Variants in PRKCH observed in about 807,000 individuals in gnomAD.
The protein encoded by PRKCH is protein kinase C eta, also known as protein kinase C eta type.
A neutral mutation model predicts 82.5 loss-of-function variants in PRKCH; 28 were observed. The observed-to-expected ratio is 0.34, with a 90% CI of 0.25 to 0.47. The LOEUF is 0.47. Ranked by LOEUF, PRKCH falls within the 20% of genes least tolerant of loss-of-function variation. PRKCH has a pLI of 1.00. For synonymous variants in PRKCH, 322 were observed against 327.4 expected, an observed-to-expected ratio of 0.98 and a Z score of 0.18; for missense variants, 705 against 881.8, an observed-to-expected ratio of 0.80 and a Z score of 2.54.
At chr14:61,413,639 A>C (rs986479480) in intron 2 of PRKCH, among the ~76,000 whole-genome samples, 2 of 146,584 alleles carry the variant, frequency 1.4e-5, no homozygotes, top group African/African-American at 2.5e-5. Context: ...TAACTTCTCC[A>C]TTTCCTTCTC....
At chr14:61,247,735 C>CAAA (rs202153655) in intron 1 of PRKCH, among the ~76,000 whole-genome samples, 583 of 52,440 alleles carry the variant, frequency 0.011, 42 homozygotes, top group South Asian at 0.022. Flanking sequence ...GACTCCATCT[C>CAAA]AAAAAAAAAA....
intron 1 of PRKCH, among the ~76,000 whole-genome samples, chr14:61,254,867 C>T (rs1232342349): frequency 3.3e-5 from 5 of 151,842 alleles, no homozygotes; most frequent in Non-Finnish European, 5.9e-5. Flanking sequence ...AGACCAGCAT[C>T]GCCAAACCAT....
At chr14:61,476,586 G>GTA (rs1299308784) in intron 9 of PRKCH, 2 of 152,224 alleles carry the variant, frequency 1.3e-5, no homozygotes, top group Admixed American at 6.5e-5. Flanking sequence ...CTGGTCTACT[G>GTA]TATATATGCC....
chr14:61,282,074 G>A (rs1425982857), intron 1 of PRKCH, among the ~76,000 whole-genome samples: 1 of 151,786 alleles, frequency 6.6e-6, no homozygotes, highest in Non-Finnish European at 1.5e-5. Context: ...AAAATGTGCT[G>A]GACTACATGT....
At chr14:61,367,356 G>A (rs1340504992) in intron 1 of PRKCH, among the ~76,000 whole-genome samples, 1 of 137,024 alleles carries the variant, frequency 7.3e-6, no homozygotes, top group East Asian at 2.1e-4. Context: ...GTGTGTGTGT[G>A]TGTATGTGTG....
chr14:61,244,279 G>GT (rs542877858), intron 1 of PRKCH, among the ~76,000 whole-genome samples: 41 of 152,210 alleles, frequency 2.7e-4, no homozygotes, highest in Non-Finnish European at 5.6e-4. Context: ...AATTGGGAGG[G>GT]TTTTTTTCAG....
intron 1 of PRKCH, among the ~76,000 whole-genome samples, chr14:61,363,753 G>T (rs934974901): frequency 4.0e-5 from 6 of 150,478 alleles, no homozygotes; most frequent in African/African-American, 1.5e-4. Context: ...GATGAAGAAG[G>T]CAACGGGCAG....
At chr14:61,541,074 C>G (rs2043178340) in intron 12 of PRKCH, among the ~76,000 whole-genome samples, 1 of 152,228 alleles carries the variant, frequency 6.6e-6, no homozygotes, top group African/African-American at 2.4e-5. Context: ...AATGCCAGGT[C>G]CAAGCCTGGT....
At chr14:61,331,546 A>AC (rs1201660317) in intron 1 of PRKCH, among the ~76,000 whole-genome samples, 3 of 152,124 alleles carry the variant, frequency 2.0e-5, no homozygotes, top group Non-Finnish European at 4.4e-5. Context: ...AACAACAACA[A>AC]AAAAACCCCT....
At chr14:61,200,569 C>G (rs1355523293) in intron 1 of PRKCH, among the ~76,000 whole-genome samples, 1 of 152,152 alleles carries the variant, frequency 6.6e-6, no homozygotes, top group Non-Finnish European at 1.5e-5. Flanking sequence ...TCTCTTTCTT[C>G]TCCTCAAAAT....
chr14:61,453,360 C>G lies in PRKCH; in HGVS notation c.960+7C>G, dbSNP rs771784880. Reference sequence around the variant, plus strand: ...AAATATTTCTCCAACCTCGGTGAGACTTTGCTTTTTTTCCATGTCTCGTAA... The same window carrying G: ...AAATATTTCTCCAACCTCGGTGAGAGTTTGCTTTTTTTCCATGTCTCGTAA... On this transcript the variant is annotated splice_region_variant and intron_variant, in intron 7 of 13. Coordinates refer to ENST00000332981, the MANE Select transcript of PRKCH (RefSeq NM_006255.5). 6.2e-7 allele frequency: 1 copy of G among 1,610,416 alleles called. No homozygotes were observed. The highest frequency in any genetic ancestry group is 2.2e-5 in the East Asian group (1 of 44,768).
At chr14:61,352,730 GAAAGAA>G (rs1038478813) in intron 1 of PRKCH, among the ~76,000 whole-genome samples, 7 of 150,692 alleles carry the variant, frequency 4.6e-5, no homozygotes, top group Non-Finnish European at 8.9e-5. Flanking sequence ...AAGAAAGAAA[GAAAGAA>G]AGAAAGATGT....
At chr14:61,428,076 T>TAGATAGATAGATAGATAGATAGATACAC (rs377250538) in intron 2 of PRKCH, among the ~76,000 whole-genome samples, 46 of 126,200 alleles carry the variant, frequency 3.6e-4, no homozygotes, top group Admixed American at 5.6e-4. Flanking sequence ...GATAGATAGA[T>TAGATAGATAGATAGATAGATAGATACAC]ACACACACAC....
chr14:61,313,622 C>CA (rs1024770679), intron 1 of PRKCH, among the ~76,000 whole-genome samples: 62 of 151,740 alleles, frequency 4.1e-4, no homozygotes, highest in African/African-American at 1.4e-3. Flanking sequence ...GGGCAATTTA[C>CA]AAAAAAAAGA....
At chr14:61,243,698 A>G (rs1234927725) in intron 1 of PRKCH, among the ~76,000 whole-genome samples, 3 of 152,182 alleles carry the variant, frequency 2.0e-5, no homozygotes, top group South Asian at 4.1e-4. Context: ...TTTATTTTTA[A>G]TTTCAAATCA....
chr14:61,440,447 A>G (rs1257124744), intron 2 of PRKCH, among the ~76,000 whole-genome samples: 1 of 152,250 alleles, frequency 6.6e-6, no homozygotes, highest in Non-Finnish European at 1.5e-5. Flanking sequence ...GTATAATTTT[A>G]ACTGTGCTGG....
intron 9 of PRKCH, among the ~76,000 whole-genome samples, chr14:61,480,925 G>C (rs549779541): frequency 7.2e-5 from 11 of 151,970 alleles, no homozygotes; most frequent in Non-Finnish European, 1.5e-4. Flanking sequence ...TCCCACCTCA[G>C]TCCCCACTCC....
chr14:61,481,890 G>A (rs1375213506), intron 9 of PRKCH, among the ~76,000 whole-genome samples: 1 of 151,738 alleles, frequency 6.6e-6, no homozygotes, highest in Non-Finnish European at 1.5e-5. Flanking sequence ...ACACTTGCCC[G>A]AAGGGACCTG....
intron 2 of PRKCH, among the ~76,000 whole-genome samples, chr14:61,396,808 T>A (rs1434038923): frequency 5.3e-5 from 8 of 152,226 alleles, no homozygotes; most frequent in Admixed American, 3.9e-4. Flanking sequence ...TGGGGGGATG[T>A]GGCCAGAGAT....
Sources: gnomAD v4.1 joint callset for allele counts (sites outside exome capture counted in the v4.1 genomes callset) on GRCh38, gnomAD v4.1.1 for gene constraint, MANE v1.5 for transcripts, NCBI Gene and HGNC (gene_info 2026-07-23, HGNC 2026-07-21) for gene names.